Variants in USP38 observed in about 807,000 individuals in gnomAD.
The protein encoded by USP38 is ubiquitin specific peptidase 38, also known as ubiquitin carboxyl-terminal hydrolase 38.
A neutral mutation model predicts 94.3 loss-of-function variants in USP38; 49 were observed. The ratio of observed to expected loss-of-function variants is 0.52; its 90% CI spans 0.41 to 0.66. The LOEUF (loss-of-function observed/expected upper bound fraction) is 0.66. Ranked by LOEUF, USP38 falls within the 30% of genes least tolerant of loss-of-function variation. The pLI, the probability that USP38 is intolerant of heterozygous loss-of-function variation, is 0.00. For synonymous variants in USP38, 468 were observed against 463.6 expected (o/e 1.01, Z -0.12); for missense variants, 1,128 against 1,229.4 (o/e 0.92, Z 1.23).
At chr4:143,197,055 C>G (rs1302124200) in intron 3 of USP38, among the ~76,000 whole-genome samples, 1 of 152,198 alleles carries the variant, frequency 6.6e-6, no homozygotes, top group Non-Finnish European at 1.5e-5. Flanking sequence ...ACACAAGGTC[C>G]TATGTATTCT....
intron 7 of USP38, among the ~76,000 whole-genome samples, chr4:143,210,441 G>A (rs1731992526): frequency 6.6e-6 from 1 of 152,058 alleles, no homozygotes; most frequent in Non-Finnish European, 1.5e-5. Flanking sequence ...ACAAAAATTA[G>A]CCAGGCATGG....
intron 7 of USP38, among the ~76,000 whole-genome samples, chr4:143,210,276 A>G (rs1731986402): frequency 6.6e-6 from 1 of 152,150 alleles, no homozygotes. Flanking sequence ...CGCTATATGC[A>G]GTCAGTGATA....
chr4:143,195,627 AG>A, intron 2 of USP38, 88 bp from the exon 3 acceptor site: 1 of 1,337,470 alleles, frequency 7.5e-7, no homozygotes. Flanking sequence ...TTATTCACAA[AG>A]TGAGTGATTA....
At chr4:143,199,736 A>G (rs1270647923) in intron 4 of USP38, among the ~76,000 whole-genome samples, 1 of 152,118 alleles carries the variant, frequency 6.6e-6, no homozygotes, top group African/African-American at 2.4e-5. Flanking sequence ...CTGATCAGTA[A>G]TACTGAGCTT....
At chr4:143,188,499 T>C (rs551757022) in intron 2 of USP38, among the ~76,000 whole-genome samples, 6 of 152,126 alleles carry the variant, frequency 3.9e-5, no homozygotes, top group Non-Finnish European at 5.9e-5. Flanking sequence ...GCATCTGTTG[T>C]TGCTCGTGGG....
rs1046532317 is a variant in USP38 at position 143,200,506 on chromosome 4, C to T, written c.1050+2582C>T. On this transcript the variant is annotated intron_variant, in intron 4 of 9. Coordinates refer to ENST00000307017, the MANE Select transcript of USP38 (RefSeq NM_032557.6). ...GATGTCCTCTCTCACCACTCCTAAT[C>T]AATATAGTACTGGAAGTCCTAGCCA... 3.9e-5 allele frequency among the ~76,000 whole-genome samples: 6 copies of T among 152,244 alleles called. No homozygotes were observed. In the Middle Eastern group the frequency reaches 0.014, roughly 345 times the overall value.
Position 143,199,053 on chromosome 4 carries a change from G to A in USP38, c.1050+1129G>A, listed in dbSNP as rs115368783. ...TTACATAGGTAAACTCATGTCACATGGGTTTGGTTTACAGATTATTGCATT... is the reference window on the plus strand; with the variant it reads ...TTACATAGGTAAACTCATGTCACATAGGTTTGGTTTACAGATTATTGCATT... On this transcript the variant is annotated intron_variant, in intron 4 of 9. Transcript: ENST00000307017. Among the ~76,000 whole-genome samples the A allele has an allele frequency of 1.5e-3, 231 of 152,166 alleles. 2 individuals are homozygous for A. The Middle Eastern group carries it at 0.017, about 11-fold the overall frequency.
At chr4:143,212,557 T>G (rs1467011157) in intron 8 of USP38, 133 bp downstream of exon 8, 4 of 508,122 alleles carry the variant, frequency 7.9e-6, no homozygotes, top group Admixed American at 4.4e-5. Flanking sequence ...TTCTTGTATG[T>G]TTTTTATATT....
intron 9 of USP38, chr4:143,215,721 T>TCAC (rs1732167572): frequency 1.3e-5 from 2 of 152,114 alleles, no homozygotes; most frequent in African/African-American, 4.8e-5. Flanking sequence ...AAATTCTGTG[T>TCAC]TTGAAAGTCA....
rs1483922164 is a variant in USP38 at position 143,185,806 on chromosome 4, C to T, written c.356C>T (p.Ser119Leu). The T allele has an allele frequency of 5.6e-6, 9 of 1,614,198 alleles. No individual in the cohort carries two copies. The highest frequency in any genetic ancestry group is 1.3e-5 in the African/African-American group (1 of 75,044). The change falls in exon 1 of 10, where the codon TCG (serine) becomes TTG (leucine). Residue 119 changes from serine to leucine, a missense_variant. Coordinates refer to ENST00000307017, the MANE Select transcript of USP38 (RefSeq NM_032557.6). Reference sequence around the variant, plus strand: ...CTGAAGCTGATTATGAGCTGTCCGTCGGTGCTGGATCTCTTTAGCCTCCTG... The same window carrying T: ...CTGAAGCTGATTATGAGCTGTCCGTTGGTGCTGGATCTCTTTAGCCTCCTG... The part of the protein sequence containing the change: ...NGLKLIMSCP[S>L]VLDLFSLLQV...
At chr4:143,204,692 TTC>T (rs1228931794) in intron 5 of USP38, among the ~76,000 whole-genome samples, 1 of 152,116 alleles carries the variant, frequency 6.6e-6, no homozygotes, top group Non-Finnish European at 1.5e-5. Flanking sequence ...TAAAAAGCAC[TTC>T]TGTTTGTGTT....
intron 3 of USP38, among the ~76,000 whole-genome samples, chr4:143,196,456 CAA>C (rs1160673594): frequency 1.3e-5 from 2 of 152,262 alleles, no homozygotes; most frequent in African/African-American, 4.8e-5. Context: ...TTGCTAAACT[CAA>C]GAGTCATTTC....
rs1732106091 is a variant in USP38 at position 143,214,001 on chromosome 4, A to C, written c.2025A>C (p.Glu675Asp). The C allele has an allele frequency of 1.2e-6, 2 of 1,613,510 alleles. No homozygotes were observed. Among genetic ancestry groups the C allele is most frequent in the Admixed American group, 1.7e-5 (1 of 59,958 alleles). The change falls in exon 9 of 10, where the codon GAA becomes GAC. Residue 675 changes from glutamate to aspartate, a missense_variant. Coordinates refer to ENST00000307017, the MANE Select transcript of USP38 (RefSeq NM_032557.6). The part of the protein sequence containing the change: ...AAFICDSLVN[E>D]KTIGSPPNEF... ...TCATCTGTGACTCACTTGTGAATGAAAAAACCATAGGCAGTCCTCCTAATG... is the reference window on the plus strand; with the variant it reads ...TCATCTGTGACTCACTTGTGAATGACAAAACCATAGGCAGTCCTCCTAATG...
intron 2 of USP38, among the ~76,000 whole-genome samples, chr4:143,194,273 C>G (rs1007353934): frequency 6.6e-6 from 1 of 152,176 alleles, no homozygotes; most frequent in African/African-American, 2.4e-5. Flanking sequence ...TTCATTTAAT[C>G]TTCACAACAG....
intron 9 of USP38, among the ~76,000 whole-genome samples, chr4:143,219,755 A>C (rs1349064240): frequency 6.6e-6 from 1 of 152,118 alleles, no homozygotes; most frequent in Non-Finnish European, 1.5e-5. Context: ...ATAGTATTCT[A>C]ATCTGAGATC....
intron 8 of USP38, 29 bp from the exon 9 acceptor site, chr4:143,213,552 T>C (rs749903204): frequency 2.0e-6 from 3 of 1,522,930 alleles, no homozygotes; most frequent in Non-Finnish European, 2.6e-6. Flanking sequence ...TTAATTTAAG[T>C]AGCTATATAA....
At chr4:143,197,988 G>A (rs1434624626) in intron 4 of USP38, 64 bp downstream of exon 4, 2 of 1,188,346 alleles carry the variant, frequency 1.7e-6, no homozygotes, top group East Asian at 4.9e-5. Context: ...GTTTAATATT[G>A]AGTCACATTT....
chr4:143,189,386 AT>A (rs1731330088), intron 2 of USP38, among the ~76,000 whole-genome samples: 1 of 151,932 alleles, frequency 6.6e-6, no homozygotes, highest in Non-Finnish European at 1.5e-5. Context: ...GTGTGTGTAT[AT>A]TAAGCACATT....
chr4:143,203,500 AC>A lies in USP38; in HGVS notation c.1144del (p.His382ThrfsTer3). On this transcript the variant is annotated frameshift_variant, in exon 5 of 10. Coordinates refer to ENST00000307017, the MANE Select transcript of USP38 (RefSeq NM_032557.6). LOFTEE classifies it high-confidence loss of function. ...TCTTAGTACAATTAACAGAATTGATACACTGTATGATGTATCATTATTCTGG... is the reference window on the plus strand; with the variant it reads ...TCTTAGTACAATTAACAGAATTGATAACTGTATGATGTATCATTATTCTGG... Reference protein sequence around the residue: ...AFLVQLTELIHCMMYHYSGFP... With the variant: ...AFLVQLTELIXCMMYHYSGFP... 2 of 1,613,388 alleles carry A rather than the reference AC, an allele frequency of 1.2e-6. No homozygotes were observed. Among genetic ancestry groups the A allele is most frequent in the Non-Finnish European group, 1.7e-6 (2 of 1,179,620 alleles).
Sources: allele counts gnomAD v4.1 joint callset (sites outside exome capture counted in the v4.1 genomes callset), GRCh38; gene constraint gnomAD v4.1.1; transcripts MANE v1.5; gene names NCBI Gene and HGNC (gene_info 2026-07-23, HGNC 2026-07-21).